Variants in SCN1A observed in about 807,000 individuals in gnomAD.
The protein encoded by SCN1A is sodium voltage-gated channel alpha subunit 1.
In SCN1A, 13 loss-of-function variants were observed where a neutral mutation model predicts 193.7. That is an observed-to-expected ratio of 0.07 (90% confidence interval 0.04 to 0.11). The LOEUF (loss-of-function observed/expected upper bound fraction) is 0.11, where lower values mean the gene tolerates loss of function less well. Among genes scored for constraint, SCN1A ranks in the 10% least tolerant of loss-of-function variants. The pLI is 1.00. For missense variants in SCN1A, 1,432 were observed against 2,451.1 expected (o/e 0.58, Z 8.78); for synonymous variants, 781 against 843.6 (o/e 0.93, Z 1.29).
chr2:166,023,850 A>G (rs941036555), intron 19 of SCN1A, among the ~76,000 whole-genome samples: 1 of 151,530 alleles, frequency 6.6e-6, no homozygotes, highest in Non-Finnish European at 1.5e-5. Context: ...ATCTCGGCTC[A>G]CTGTGACCTC....
chr2:166,025,367 T>C (rs1694623975), intron 19 of SCN1A, among the ~76,000 whole-genome samples: 1 of 152,200 alleles, frequency 6.6e-6, no homozygotes, highest in South Asian at 2.1e-4. Flanking sequence ...ACCCATAGTC[T>C]CTGGCCACAT....
At chr2:166,039,696 G>T in intron 16 of SCN1A, 100 bp from the exon 17 acceptor site, 1 of 1,046,760 alleles carries the variant, frequency 9.6e-7, no homozygotes, top group Non-Finnish European at 1.4e-6. Context: ...TTCCCACAAT[G>T]ATTCTATTAC....
At position 165,991,283 on chromosome 2, in the gene SCN1A, C is replaced by T. The variant is rs886055041; in HGVS notation, c.5992G>A (p.Glu1998Lys). The change falls in exon 29 of 29, where the codon GAG (glutamate) becomes AAG (lysine). Residue 1998 changes from glutamate (E) to lysine (K), a missense_variant. By Grantham distance (56) the Glu-to-Lys change is moderately conservative. This residue lies in a region of SCN1A where 148 missense variants were observed against 160.3 expected (regional missense o/e 0.92). Coordinates refer to ENST00000674923, the MANE Select transcript of SCN1A (RefSeq NM_001165963.4). ...RVTKPIVEKH[E>K]QEGKDEKAKG... Reference sequence around the variant, plus strand: ...GCTTTTTCATCTTTGCCTTCTTGCTCATGTTTTTCCACAATTGGCTTTGTC... The same window carrying T: ...GCTTTTTCATCTTTGCCTTCTTGCTTATGTTTTTCCACAATTGGCTTTGTC... 1.9e-6 allele frequency: 3 copies of T among 1,613,542 alleles called. No homozygotes were observed. The highest frequency in any genetic ancestry group is 2.5e-6 in the Non-Finnish European group (3 of 1,179,806).
At chr2:166,070,141 C>T (rs1371356908) in intron 4 of SCN1A, among the ~76,000 whole-genome samples, 1 of 151,958 alleles carries the variant, frequency 6.6e-6, no homozygotes, top group East Asian at 1.9e-4. Context: ...AAATTAAAGG[C>T]AGAAAAAAGT....
At chr2:166,070,135 T>C (rs1418975660) in intron 4 of SCN1A, among the ~76,000 whole-genome samples, 3 of 152,176 alleles carry the variant, frequency 2.0e-5, no homozygotes, top group East Asian at 1.9e-4. Flanking sequence ...AAAAGAAAAT[T>C]AAAGGCAGAA....
chr2:166,115,216 G>A (rs941011803), intron 2 of SCN1A, among the ~76,000 whole-genome samples: 8 of 151,962 alleles, frequency 5.3e-5, no homozygotes, highest in Admixed American at 4.6e-4. Context: ...AAAATTAGCT[G>A]GGCATGGTGG....
chr2:165,994,871 G>A (rs1343732532), intron 27 of SCN1A, among the ~76,000 whole-genome samples: 1 of 151,444 alleles, frequency 6.6e-6, no homozygotes, highest in Non-Finnish European at 1.5e-5. Context: ...TAATTGTTAA[G>A]GAGAATTTGG....
rs767074099 is a variant in SCN1A at position 166,041,353 on chromosome 2, C to T, written c.2293G>A (p.Val765Met). ...LKVKHVVNLV[V>M]MDPFVDLAIT... ...GCCAGGTCAACAAATGGGTCCATCACAACCAGGTTGACAACATGTTTCACT... is the reference window on the plus strand; with the variant it reads ...GCCAGGTCAACAAATGGGTCCATCATAACCAGGTTGACAACATGTTTCACT... The change falls in exon 16 of 29, where the codon GTG becomes ATG. Residue 765 changes from valine (V) to methionine (M), a missense_variant. Around this residue, in one of 18 missense-constraint regions of SCN1A, gnomAD observed 316 missense variants for 362.1 expected, o/e 0.87. Transcript: ENST00000674923. The T allele has an allele frequency of 7.4e-6, 12 of 1,613,486 alleles. No homozygotes were observed. Among genetic ancestry groups the T allele is most frequent in the East Asian group, 2.2e-5 (1 of 44,856 alleles).
chr2:165,991,473 A>G lies in SCN1A; in HGVS notation c.5802T>C (p.Thr1934=), dbSNP rs1391765490. Residue 1934 remains threonine (T), a synonymous_variant, in exon 29 of 29, where the codon ACT becomes ACC. Coordinates refer to ENST00000674923, the MANE Select transcript of SCN1A (RefSeq NM_001165963.4). The part of the protein sequence containing the change: ...RAYRRHLLKR[T]VKQASFTYNK... ...TGTACGTAAAGGAAGCTTGTTTTAC[A>G]GTTCGCTTTAAAAGGTGGCGTCTGT... 1.2e-6 allele frequency: 2 copies of G among 1,613,874 alleles called. No individual in the cohort carries two copies. Among genetic ancestry groups the G allele is most frequent in the African/African-American group, 1.3e-5 (1 of 75,026 alleles).
chr2:166,031,119 C>G (rs1695497106), intron 19 of SCN1A, among the ~76,000 whole-genome samples: 1 of 152,096 alleles, frequency 6.6e-6, no homozygotes, highest in Non-Finnish European at 1.5e-5. Context: ...TCTCTTAGGA[C>G]TTAAAGAGAG....
At chr2:166,134,034 G>A (rs996269846) in intron 1 of SCN1A, 3 of 152,084 alleles carry the variant, frequency 2.0e-5, no homozygotes, top group South Asian at 2.1e-4. Context: ...TAAAAATTCC[G>A]TAATAGACTT....
intron 2 of SCN1A, among the ~76,000 whole-genome samples, chr2:166,078,467 T>C (rs919101445): frequency 3.3e-5 from 5 of 150,688 alleles, no homozygotes; most frequent in African/African-American, 1.2e-4. Context: ...ATATTGATAG[T>C]TGGGGGAGGC....
intron 19 of SCN1A, among the ~76,000 whole-genome samples, chr2:166,029,981 T>A (rs1695330706): frequency 2.0e-5 from 3 of 152,190 alleles, no homozygotes; most frequent in Admixed American, 1.3e-4. Context: ...CTTTCAGGAC[T>A]AAGCAGGAGG....
At chr2:166,031,460 G>C (rs929855990) in intron 19 of SCN1A, among the ~76,000 whole-genome samples, 7 of 151,972 alleles carry the variant, frequency 4.6e-5, no homozygotes, top group Non-Finnish European at 8.8e-5. Flanking sequence ...TTTCCTGATT[G>C]GAATGCCCCT....
In SCN1A at chr2:166,025,819, C is replaced by T. The variant is rs754129448; in HGVS notation, c.3430-10092G>A. On this transcript the variant is annotated intron_variant, in intron 19 of 28. Transcript: ENST00000674923. ...CTCAAAGATATTTGTTAGGTTCTTT[C>T]ATCCCTTCTTAATCATATTAGTAAT... Among the ~76,000 whole-genome samples, 152 of 152,158 alleles carry T rather than the reference C, an allele frequency of 1.0e-3. 1 individual carries two copies. Among genetic ancestry groups the T allele is most frequent in the Non-Finnish European group, 1.8e-3 (124 of 68,014 alleles).
chr2:166,043,094 C>T (rs927461614), intron 14 of SCN1A, among the ~76,000 whole-genome samples: 5 of 152,206 alleles, frequency 3.3e-5, no homozygotes, highest in African/African-American at 1.2e-4. Flanking sequence ...AAACACATAA[C>T]ATACCTTTGT....
In SCN1A at chr2:166,046,761, C is replaced by T. The variant is rs969656369; in HGVS notation, c.1377+9G>A. The T allele has an allele frequency of 3.1e-6, 5 of 1,613,318 alleles. No individual in the cohort carries two copies. On this transcript the variant is annotated intron_variant, in intron 12 of 28. Coordinates refer to ENST00000674923, the MANE Select transcript of SCN1A (RefSeq NM_001165963.4). The stretch of plus-strand genomic sequence containing the variant: ...AAAAGGTCAGTGCCATGAGACAGGG[C>T]AGCTTTACCTGAGCTGCCTCCTGTT...
At chr2:166,061,658 A>G (rs1439076175) in intron 4 of SCN1A, among the ~76,000 whole-genome samples, 1 of 152,184 alleles carries the variant, frequency 6.6e-6, no homozygotes, top group Non-Finnish European at 1.5e-5. Flanking sequence ...ATGTATTAAA[A>G]CCACTATATG....
At chr2:165,984,890 T>C (rs1688511027), downstream of SCN1A, 1 of 152,136 alleles carries the variant, frequency 6.6e-6, no homozygotes, top group East Asian at 1.9e-4. Flanking sequence ...TAGCATAACA[T>C]TTTGAAAACC....
Sources: allele counts gnomAD v4.1 joint callset (sites outside exome capture counted in the v4.1 genomes callset), GRCh38; gene constraint gnomAD v4.1.1; regional missense constraint gnomAD v4.1.1; transcripts MANE v1.5; gene names NCBI Gene and HGNC (gene_info 2026-07-23, HGNC 2026-07-21).